Variants in ADAMTSL1 observed in about 807,000 individuals in gnomAD.
ADAMTSL1 encodes ADAMTS like 1, also known as ADAMTS-like protein 1.
ADAMTSL1 carries 126 observed loss-of-function variants against 201.8 expected under a neutral mutation model. That is an observed-to-expected ratio of 0.62 (90% CI 0.54 to 0.72). The LOEUF (loss-of-function observed/expected upper bound fraction) is 0.72, where lower values mean the gene tolerates loss of function less well. ADAMTSL1 is among the 30% of genes least tolerant of loss of function. The pLI, the probability that ADAMTSL1 is intolerant of heterozygous loss-of-function variation, is 0.00. For synonymous variants in ADAMTSL1, 1,121 were observed against 903.4 expected (o/e 1.24, Z -4.32); for missense variants, 2,679 against 2,277.8 (o/e 1.18, Z -3.59).
intron 7 of ADAMTSL1, among the ~76,000 whole-genome samples, chr9:18,654,999 C>T (rs1193067049): frequency 1.3e-5 from 2 of 152,226 alleles, no homozygotes; most frequent in Non-Finnish European, 2.9e-5. Context: ...AACAGCTAAG[C>T]CAGGCTGGGG....
intron 23 of ADAMTSL1, among the ~76,000 whole-genome samples, chr9:18,877,643 G>A (rs992278980): frequency 1.3e-5 from 2 of 152,184 alleles, no homozygotes; most frequent in African/African-American, 4.8e-5. Context: ...GAAGGGGAGT[G>A]AAGTGGACTC....
At chr9:17,918,360 C>G (rs1826183457) in intron 1 of ADAMTSL1, among the ~76,000 whole-genome samples, 1 of 150,396 alleles carries the variant, frequency 6.6e-6, no homozygotes, top group Non-Finnish European at 1.5e-5. Flanking sequence ...GTTCATAGTA[C>G]TTTCTTATAA....
intron 1 of ADAMTSL1, among the ~76,000 whole-genome samples, chr9:18,044,985 T>G (rs1388589920): frequency 6.6e-6 from 1 of 152,142 alleles, no homozygotes; most frequent in Non-Finnish European, 1.5e-5. Context: ...TGATTTTAAA[T>G]GTAAACCAGT....
intron 13 of ADAMTSL1, among the ~76,000 whole-genome samples, chr9:18,692,050 C>G (rs1831255033): frequency 6.6e-6 from 1 of 152,162 alleles, no homozygotes; most frequent in Non-Finnish European, 1.5e-5. Context: ...CAATATTTAA[C>G]TCAAAACTCA....
intron 15 of ADAMTSL1, among the ~76,000 whole-genome samples, chr9:18,747,487 T>A (rs185350733): frequency 6.6e-6 from 1 of 152,084 alleles, no homozygotes; most frequent in Non-Finnish European, 1.5e-5. Context: ...GACTTGGGTG[T>A]GACTCTGGTG....
chr9:17,942,762 C>A (rs1226446966), intron 1 of ADAMTSL1, among the ~76,000 whole-genome samples: 1 of 152,162 alleles, frequency 6.6e-6, no homozygotes, highest in Admixed American at 6.5e-5. Context: ...CTATTACCTG[C>A]TTTTCTGGCT....
intron 13 of ADAMTSL1, among the ~76,000 whole-genome samples, chr9:18,694,822 T>C (rs1831454191): frequency 6.6e-6 from 1 of 152,220 alleles, no homozygotes; most frequent in Non-Finnish European, 1.5e-5. Context: ...CAATCCCACA[T>C]TTCCCATCCA....
At chr9:18,502,046 A>C (rs1427345996) in intron 1 of ADAMTSL1, among the ~76,000 whole-genome samples, 2 of 152,208 alleles carry the variant, frequency 1.3e-5, no homozygotes, top group East Asian at 3.8e-4. Flanking sequence ...ACAACCATAC[A>C]TTATTTACCA....
At chr9:18,117,000 C>CT (rs1825280081) in intron 1 of ADAMTSL1, among the ~76,000 whole-genome samples, 1 of 152,200 alleles carries the variant, frequency 6.6e-6, no homozygotes, top group African/African-American at 2.4e-5. Flanking sequence ...AAGCCTAAGC[C>CT]TCAGAGGCAT....
chr9:18,099,639 T>C (rs1824429557), intron 1 of ADAMTSL1, among the ~76,000 whole-genome samples: 1 of 115,046 alleles, frequency 8.7e-6, no homozygotes, highest in Non-Finnish European at 1.6e-5. Flanking sequence ...TCTCTCCCTT[T>C]TTTTTTTTTT....
intron 1 of ADAMTSL1, among the ~76,000 whole-genome samples, chr9:18,484,230 C>T (rs1041004323): frequency 2.6e-5 from 4 of 152,148 alleles, no homozygotes; most frequent in East Asian, 1.9e-4. Flanking sequence ...GGATTTGGCA[C>T]AGGGGTGAGG....
chr9:18,707,612 A>C (rs1832304264), intron 14 of ADAMTSL1, among the ~76,000 whole-genome samples: 1 of 152,244 alleles, frequency 6.6e-6, no homozygotes, highest in Non-Finnish European at 1.5e-5. Flanking sequence ...TCAAAGAAAC[A>C]AAGTGATTTG....
intron 2 of ADAMTSL1, among the ~76,000 whole-genome samples, chr9:18,459,416 C>G (rs978288782): frequency 6.6e-6 from 1 of 152,038 alleles, no homozygotes; most frequent in Admixed American, 6.6e-5. Flanking sequence ...ATTTCAAGTC[C>G]TCTGTTGCAC....
chr9:18,652,304 G>A (rs13298652), intron 7 of ADAMTSL1, among the ~76,000 whole-genome samples: 16,592 of 148,808 alleles, frequency 0.11, 1,241 homozygotes, highest in Non-Finnish European at 0.16. Flanking sequence ...TCCAGGAGGC[G>A]GAGGTTACAA....
intron 20 of ADAMTSL1, among the ~76,000 whole-genome samples, chr9:18,813,426 T>A (rs1823638821): frequency 6.6e-6 from 1 of 152,254 alleles, no homozygotes; most frequent in Non-Finnish European, 1.5e-5. Context: ...GTATGGACAT[T>A]TGAACAATAT....
chr9:18,655,819 A>AAAATAAAAAAAAAAAAAT (rs1828613139), intron 7 of ADAMTSL1, among the ~76,000 whole-genome samples: 2 of 101,044 alleles, frequency 2.0e-5, no homozygotes, highest in Non-Finnish European at 5.0e-5. Flanking sequence ...AAAAAAAAAA[A>AAAATAAAAAAAAAAAAAT]AAAAAAAAAA....
intron 1 of ADAMTSL1, among the ~76,000 whole-genome samples, chr9:17,978,180 A>T (rs72697418): frequency 0.015 from 2,335 of 152,014 alleles, 28 homozygotes; most frequent in Middle Eastern, 0.068. Context: ...ATGTTTATCC[A>T]TGTGTGTCCT....
intron 2 of ADAMTSL1, among the ~76,000 whole-genome samples, chr9:18,271,342 C>T (rs1832356767): frequency 6.6e-6 from 1 of 151,978 alleles, no homozygotes; most frequent in African/African-American, 2.4e-5. Context: ...TCCCCCCACC[C>T]CACAACCCGG....
intron 2 of ADAMTSL1, among the ~76,000 whole-genome samples, chr9:18,356,355 G>C (rs1319474140): frequency 6.6e-6 from 1 of 151,930 alleles, no homozygotes; most frequent in Admixed American, 6.6e-5. Flanking sequence ...ACCCGCCCCT[G>C]TCTGCCTAAG....
Sources: allele counts gnomAD v4.1 joint callset (sites outside exome capture counted in the v4.1 genomes callset), GRCh38; gene constraint gnomAD v4.1.1; transcripts MANE v1.5; gene names NCBI Gene and HGNC (gene_info 2026-07-23, HGNC 2026-07-21).